Variants in GRID2 observed in about 807,000 individuals in gnomAD.
The protein encoded by GRID2 is glutamate ionotropic receptor delta type subunit 2, also known as glutamate receptor ionotropic, delta-2.
In GRID2, 33 loss-of-function variants were observed where a neutral mutation model predicts 114.8. That is an observed-to-expected ratio of 0.29 (90% CI 0.22 to 0.38). The LOEUF is 0.38. GRID2 is among the 10% of genes least tolerant of loss of function. The pLI is 1.00. For synonymous variants in GRID2, 505 were observed against 449.9 expected (o/e 1.12, Z -1.55); for missense variants, 1,184 against 1,257.7 (o/e 0.94, Z 0.89).
chr4:92,654,831 T>G (rs1732147055), intron 2 of GRID2, among the ~76,000 whole-genome samples: 1 of 152,034 alleles, frequency 6.6e-6, no homozygotes. Context: ...TTCCAAGTAT[T>G]TTCTCCCATT....
intron 14 of GRID2, among the ~76,000 whole-genome samples, chr4:93,698,014 AG>A (rs1196779974): frequency 6.6e-6 from 1 of 151,788 alleles, no homozygotes; most frequent in South Asian, 2.1e-4. Context: ...TTACTATAAA[AG>A]TTTACGGGAT....
chr4:92,964,237 T>G (rs1451569588), intron 2 of GRID2, among the ~76,000 whole-genome samples: 1 of 152,012 alleles, frequency 6.6e-6, no homozygotes, highest in Non-Finnish European at 1.5e-5. Context: ...CTTTGAAGCT[T>G]TAAAGCTAGG....
chr4:92,362,859 G>A (rs561348998), intron 1 of GRID2, among the ~76,000 whole-genome samples: 3 of 151,804 alleles, frequency 2.0e-5, no homozygotes, highest in Admixed American at 6.6e-5. Context: ...TATTTTTTAC[G>A]TCGTATCACA....
At chr4:92,881,661 G>A (rs374062078) in intron 2 of GRID2, among the ~76,000 whole-genome samples, 2 of 152,060 alleles carry the variant, frequency 1.3e-5, no homozygotes, top group South Asian at 2.1e-4. Context: ...CATAATGGCT[G>A]CTAAAAACTT....
intron 2 of GRID2, among the ~76,000 whole-genome samples, chr4:92,831,829 T>C (rs980367274): frequency 1.3e-5 from 2 of 151,964 alleles, no homozygotes; most frequent in African/African-American, 4.8e-5. Context: ...CACTATACTC[T>C]AGACTGGGAG....
chr4:92,580,313 T>C (rs1728118248), intron 1 of GRID2, among the ~76,000 whole-genome samples: 1 of 146,478 alleles, frequency 6.8e-6, no homozygotes, highest in Admixed American at 7.1e-5. Flanking sequence ...GCTAGTTAAA[T>C]GTACATTCAT....
chr4:93,752,952 T>A (rs568460855), intron 14 of GRID2, among the ~76,000 whole-genome samples: 126 of 152,324 alleles, frequency 8.3e-4, no homozygotes, highest in Non-Finnish European at 1.6e-3. Context: ...GTTTTCTATA[T>A]GGATCATACC....
chr4:92,530,485 C>CA (rs1725283213), intron 1 of GRID2, among the ~76,000 whole-genome samples: 2 of 103,370 alleles, frequency 1.9e-5, no homozygotes, highest in East Asian at 2.7e-4. Context: ...ACCACTACCA[C>CA]AAAAAAGTGA....
At chr4:92,570,781 GT>G in intron 1 of GRID2, among the ~76,000 whole-genome samples, 1 of 151,984 alleles carries the variant, frequency 6.6e-6, no homozygotes, top group Admixed American at 6.6e-5. Flanking sequence ...AATGCTACTG[GT>G]TTTTACATAT....
intron 10 of GRID2, among the ~76,000 whole-genome samples, chr4:93,443,784 CT>C (rs949549838): frequency 3.7e-4 from 55 of 148,158 alleles, no homozygotes; most frequent in African/African-American, 9.9e-4. Context: ...ATGGGAGAGA[CT>C]TTTTTTTTTC....
At chr4:92,452,905 G>A (rs1721010321) in intron 1 of GRID2, among the ~76,000 whole-genome samples, 1 of 144,806 alleles carries the variant, frequency 6.9e-6, no homozygotes, top group South Asian at 2.2e-4. Context: ...ATATATATAT[G>A]TATGTTTCTA....
At chr4:93,493,139 T>G (rs1283916972) in intron 12 of GRID2, among the ~76,000 whole-genome samples, 2 of 151,908 alleles carry the variant, frequency 1.3e-5, no homozygotes, top group Non-Finnish European at 2.9e-5. Flanking sequence ...TCTTATCAAT[T>G]ATGTTGAATG....
chr4:92,945,239 TGATA>T (rs1376502400), intron 2 of GRID2, among the ~76,000 whole-genome samples: 1 of 152,214 alleles, frequency 6.6e-6, no homozygotes, highest in African/African-American at 2.4e-5. Flanking sequence ...CTCTCTTGAT[TGATA>T]GTTTACTGTA....
intron 8 of GRID2, among the ~76,000 whole-genome samples, chr4:93,300,729 C>G (rs1246944703): frequency 6.6e-6 from 1 of 152,206 alleles, no homozygotes; most frequent in African/African-American, 2.4e-5. Flanking sequence ...CTTTATTCAG[C>G]TGGGAGCATT....
chr4:93,284,433 T>C (rs1752941704), intron 8 of GRID2, among the ~76,000 whole-genome samples: 1 of 151,930 alleles, frequency 6.6e-6, no homozygotes, highest in Non-Finnish European at 1.5e-5. Flanking sequence ...GGTGATGACA[T>C]AGCTGTACAA....
intron 8 of GRID2, among the ~76,000 whole-genome samples, chr4:93,324,032 C>T (rs1328307995): frequency 6.6e-6 from 1 of 152,040 alleles, no homozygotes; most frequent in African/African-American, 2.4e-5. Context: ...GATTGAGTAC[C>T]CTGTATTTCT....
chr4:93,615,829 G>T (rs1270164586), intron 13 of GRID2, among the ~76,000 whole-genome samples: 1 of 151,770 alleles, frequency 6.6e-6, no homozygotes, highest in African/African-American at 2.4e-5. Context: ...AAACAACACA[G>T]GTGCAGTCAG....
At chr4:93,280,536 T>C (rs2149584789) in intron 8 of GRID2, among the ~76,000 whole-genome samples, 1 of 152,156 alleles carries the variant, frequency 6.6e-6, no homozygotes, top group African/African-American at 2.4e-5. Flanking sequence ...TGCCTTTATC[T>C]CTTTTTTATT....
chr4:92,738,777 C>T (rs182078626), intron 2 of GRID2, among the ~76,000 whole-genome samples: 65 of 152,124 alleles, frequency 4.3e-4, no homozygotes, highest in Non-Finnish European at 4.4e-4. Context: ...TCAGCCTCCT[C>T]AGTAGCTAAG....
Sources: allele counts gnomAD v4.1 joint callset (sites outside exome capture counted in the v4.1 genomes callset), GRCh38; gene constraint gnomAD v4.1.1; transcripts MANE v1.5; gene names NCBI Gene and HGNC (gene_info 2026-07-23, HGNC 2026-07-21).